The following LRRC71 variants were observed in gnomAD, a reference collection of about 807,000 sequenced individuals.
LRRC71 encodes leucine rich repeat containing 71.
A neutral mutation model predicts 66.6 loss-of-function variants in LRRC71; 54 were observed. That is an observed-to-expected ratio of 0.81 (90% CI 0.65 to 1.02). The LOEUF is 1.02. LRRC71 is among the 50% of genes least tolerant of loss of function. The pLI, the probability that LRRC71 is intolerant of heterozygous loss-of-function variation, is 0.00. For missense variants in LRRC71, 724 were observed against 718.0 expected (o/e 1.01, Z -0.10); for synonymous variants, 323 against 303.9 (o/e 1.06, Z -0.65).
chr1:156,936,498 ATAT>A (rs1372543437), downstream of LRRC71, among the ~76,000 whole-genome samples: 26 of 35,428 alleles, frequency 7.3e-4, no homozygotes, highest in African/African-American at 3.3e-3. Flanking sequence ...AAAAAAAAAA[ATAT>A]ATATATATAT....
chr1:156,932,720 G>GT, intron 14 of LRRC71, 133 bp from the exon 15 acceptor site: 5 of 1,523,204 alleles, frequency 3.3e-6, no homozygotes, highest in Non-Finnish European at 4.5e-6. Context: ...AAAATCAGCA[G>GT]TATTAATCAC....
the LRRC71 span, chr1:156,939,625 G>T: frequency 6.2e-7 from 1 of 1,613,710 alleles, no homozygotes. Flanking sequence ...CAGTTCTGGA[G>T]ACTCCCATAT....
intron 12 of LRRC71, among the ~76,000 whole-genome samples, chr1:156,931,070 G>C (rs1297123590): frequency 6.6e-6 from 1 of 152,170 alleles, no homozygotes; most frequent in East Asian, 1.9e-4. Context: ...ACGCTACCCT[G>C]TGCATGGGTC....
At chr1:156,938,420 G>A in the LRRC71 span, 55 of 1,613,336 alleles carry the variant, frequency 3.4e-5, no homozygotes, top group African/African-American at 2.4e-4. Flanking sequence ...GTTATTACCC[G>A]TAGCCTTTGT....
chr1:156,936,493 A>AT (rs1481502478), downstream of LRRC71, among the ~76,000 whole-genome samples: 27 of 62,394 alleles, frequency 4.3e-4, no homozygotes, highest in African/African-American at 9.7e-4. Flanking sequence ...AAAAAAAAAA[A>AT]AAAAATATAT....
downstream of LRRC71, among the ~76,000 whole-genome samples, chr1:156,934,125 C>A (rs532807639): frequency 6.6e-6 from 1 of 152,318 alleles, no homozygotes; most frequent in African/African-American, 2.4e-5. Context: ...GGGAAACTTG[C>A]CATGTCCTCC....
chr1:156,939,404 T>C, the LRRC71 span: 3 of 1,128,698 alleles, frequency 2.7e-6, no homozygotes, highest in Non-Finnish European at 3.8e-6. Context: ...GATATCGGCG[T>C]TGTCTCCTTC....
intron 13 of LRRC71, 128 bp downstream of exon 13, chr1:156,932,155 G>A: frequency 1.3e-6 from 1 of 797,248 alleles, no homozygotes; most frequent in South Asian, 1.7e-5. Context: ...TGTCCCCCAA[G>A]GCTCTCTGGC....
At position 156,930,038 on chromosome 1, in the gene LRRC71, T is replaced by TTC. The variant is rs796624266; in HGVS notation, c.1240+311_1240+312dup. On this transcript the variant is annotated intron_variant, in intron 11 of 14. Coordinates refer to ENST00000337428, the MANE Select transcript of LRRC71 (RefSeq NM_144702.3). ...CTTTTTTCTTTTCTTTTCTTTTTCT[T>TTC]TCTTTCTCTTTCTTTCTTTCTTTTT... Among the ~76,000 whole-genome samples, 119 of 140,610 alleles carry TTC rather than the reference T, an allele frequency of 8.5e-4. No individual in the cohort carries two copies. In the East Asian group the frequency reaches 0.017, roughly 21 times the overall value. 92.2% of individuals were successfully genotyped at this position (140,610 alleles called of 152,430 possible). A position where few individuals can be genotyped will look rare whatever the true frequency, so the allele number is the denominator to read the frequency against.
At chr1:156,936,497 A>AAAAAAAAAAAT (rs370282821), downstream of LRRC71, among the ~76,000 whole-genome samples, 11 of 33,938 alleles carry the variant, frequency 3.2e-4, no homozygotes, top group African/African-American at 7.7e-4. Context: ...AAAAAAAAAA[A>AAAAAAAAAAAT]ATATATATAT....
chr1:156,922,993 C>A (rs938059434), intron 1 of LRRC71, among the ~76,000 whole-genome samples: 17 of 152,232 alleles, frequency 1.1e-4, no homozygotes, highest in African/African-American at 3.9e-4. Context: ...CTTCTCTTAC[C>A]TGCTTCGCCC....
At chr1:156,928,617 C>T (rs1360257828) in intron 9 of LRRC71, among the ~76,000 whole-genome samples, 2 of 124,714 alleles carry the variant, frequency 1.6e-5, no homozygotes, top group Non-Finnish European at 3.2e-5. Flanking sequence ...GTTACCTGGG[C>T]TGGAGAGCAG....
In LRRC71 at chr1:156,924,830, G is replaced by A. The variant is rs981767977; in HGVS notation, c.516-108G>A. Reference sequence around the variant, plus strand: ...AGACCCTGGCGACGGTGGGGAGGTCGGGGGTGGGGGATGAGGAAGGGCACC... The same window carrying A: ...AGACCCTGGCGACGGTGGGGAGGTCAGGGGTGGGGGATGAGGAAGGGCACC... On this transcript the variant is annotated intron_variant, in intron 4 of 14. Coordinates refer to ENST00000337428, the MANE Select transcript of LRRC71 (RefSeq NM_144702.3). The A allele has an allele frequency of 1.4e-5, 21 of 1,497,180 alleles. No individual in the cohort carries two copies. The African/African-American group carries it at 2.9e-4, about 21-fold the overall frequency. 92.7% of individuals were successfully genotyped at this position (1,497,180 alleles called of 1,614,324 possible).
rs866212921 is a variant in LRRC71, at chr1:156,924,672, G to A, written c.469G>A (p.Val157Ile). The A allele has an allele frequency of 2.6e-5, 41 of 1,551,680 alleles. No homozygotes were observed. In the African/African-American group the frequency reaches 5.2e-4, roughly 20 times the overall value. The change falls in exon 4 of 15, where the codon GTC (valine) becomes ATC (isoleucine). Residue 157 changes from valine to isoleucine, a missense_variant. Physicochemically the swap from Val to Ile is conservative, Grantham distance 29. Coordinates refer to ENST00000337428, the MANE Select transcript of LRRC71 (RefSeq NM_144702.3). ...GWKVEERILG[V>I]FSKCLPPLTQ... ...GAAGGTTGAGGAACGGATTCTGGGT[G>A]TCTTCTCTAAATGTCTGCCCCCGCT...
chr1:156,937,187 G>A, downstream of LRRC71: 1 of 1,607,010 alleles, frequency 6.2e-7, no homozygotes, highest in Non-Finnish European at 8.5e-7. Flanking sequence ...TCTCACTCAT[G>A]GGGAATGGTT....
Position 156,927,427 on chromosome 1 carries a change from G to C in LRRC71, c.663-69G>C, listed in dbSNP as rs889454811. On this transcript the variant is annotated intron_variant, in intron 6 of 14. Transcript: ENST00000337428. ...CCAGACCGCCCCCTCAAGCGCTCAA[G>C]TCTCCCATATTCCGGCGGACGCCCT... The C allele has an allele frequency of 7.9e-6, 12 of 1,520,054 alleles. No homozygotes were observed. The African/African-American group carries it at 1.4e-4, about 18-fold the overall frequency. The allele number at this position is 1,520,054 out of a possible 1,614,324, so 94.2% of individuals were successfully genotyped here. A position where few individuals can be genotyped will look rare whatever the true frequency, so the allele number is the denominator to read the frequency against.
Position 156,933,016 on chromosome 1 carries a change from C to A in LRRC71, c.*47C>A. 1.3e-5 allele frequency: 18 copies of A among 1,417,452 alleles called. No individual in the cohort carries two copies. The highest frequency in any genetic ancestry group is 1.7e-5 in the Non-Finnish European group (18 of 1,029,470). The allele number at this position is 1,417,452 out of a possible 1,614,324, so 87.8% of individuals were successfully genotyped here. On this transcript the variant is annotated 3_prime_UTR_variant, in exon 15 of 15. Transcript: ENST00000337428. ...CTAAGACTCGGGGCTACAGAAGCAC[C>A]TCCTGTCCCTGTGTGGGGTGACCTC... is the stretch of plus-strand genomic sequence containing the variant.
chr1:156,937,685 G>A (rs1266444983), downstream of LRRC71, among the ~76,000 whole-genome samples: 1 of 152,192 alleles, frequency 6.6e-6, no homozygotes, highest in Non-Finnish European at 1.5e-5. Flanking sequence ...AGACCTTCTA[G>A]ATGACACTTG....
downstream of LRRC71, among the ~76,000 whole-genome samples, chr1:156,933,393 G>T (rs577752399): frequency 1.3e-5 from 2 of 152,358 alleles, no homozygotes; most frequent in South Asian, 4.1e-4. Flanking sequence ...ATAAGCTTGG[G>T]AGGGAGTGGG....
Sources: allele counts gnomAD v4.1 joint callset (sites outside exome capture counted in the v4.1 genomes callset), GRCh38; gene constraint gnomAD v4.1.1; transcripts MANE v1.5; gene names NCBI Gene and HGNC (gene_info 2026-07-23, HGNC 2026-07-21).